Variants in ACOXL observed in about 807,000 individuals in gnomAD.
ACOXL encodes the protein acyl-CoA oxidase like, also known as acyl-coenzyme A oxidase-like protein.
A neutral mutation model predicts 71.9 loss-of-function variants in ACOXL; 70 were observed. The observed-to-expected ratio is 0.97, with a 90% confidence interval of 0.80 to 1.19. ACOXL has a LOEUF of 1.19. ACOXL is among the 50% of genes most tolerant of loss of function. The pLI is 0.00. For missense variants in ACOXL, 703 were observed against 736.3 expected (o/e 0.95, Z 0.52); for synonymous variants, 253 against 281.6 (o/e 0.90, Z 1.02).
chr2:110,954,062 G>A (rs189890681), intron 12 of ACOXL, among the ~76,000 whole-genome samples: 35 of 152,300 alleles, frequency 2.3e-4, no homozygotes, highest in Admixed American at 2.2e-3. Context: ...ATTATTAGAT[G>A]TTTGTAAGTT....
chr2:111,055,594 CAG>C (rs1380654726), intron 16 of ACOXL, among the ~76,000 whole-genome samples: 1 of 152,240 alleles, frequency 6.6e-6, no homozygotes, highest in African/African-American at 2.4e-5. Flanking sequence ...TGGAGGCACT[CAG>C]GGGCTGCCCG....
chr2:110,990,923 A>T (rs1329802386), intron 13 of ACOXL, among the ~76,000 whole-genome samples: 2 of 152,014 alleles, frequency 1.3e-5, no homozygotes, highest in Non-Finnish European at 2.9e-5. Context: ...GGGGGAGGAG[A>T]TTGTATATTT....
chr2:110,764,998 G>C (rs1003220862), intron 1 of ACOXL, among the ~76,000 whole-genome samples: 4 of 152,138 alleles, frequency 2.6e-5, no homozygotes, highest in Admixed American at 2.0e-4. Context: ...TTTTTGGCCT[G>C]ATAAGATTTT....
At position 110,844,530 on chromosome 2, in the gene ACOXL, CT is replaced by C. The variant is rs368774128; in HGVS notation, c.788+3134del. On this transcript the variant is annotated intron_variant, in intron 10 of 17. Transcript: ENST00000439055. ...GCCTGCAGGTCACCCTTTGACTCTT[CT>C]TTTTTTTTCTTTTCTTTTCTTTTTT... Among the ~76,000 whole-genome samples the C allele has an allele frequency of 9.4e-4, 139 of 147,328 alleles. 1 individual carries two copies. The East Asian group carries it at 0.02, about 22-fold the overall frequency.
intron 10 of ACOXL, among the ~76,000 whole-genome samples, chr2:110,907,419 C>T (rs73956478): frequency 1.0e-3 from 159 of 152,286 alleles, no homozygotes; most frequent in African/African-American, 3.7e-3. Context: ...ATCATGATGA[C>T]ACCACTACTG....
intron 12 of ACOXL, among the ~76,000 whole-genome samples, chr2:110,981,157 G>C (rs2062691698): frequency 6.6e-6 from 1 of 152,200 alleles, no homozygotes; most frequent in Non-Finnish European, 1.5e-5. Flanking sequence ...GAGGTCAGGA[G>C]TTCGAGACCA....
intron 14 of ACOXL, among the ~76,000 whole-genome samples, chr2:111,025,364 G>A (rs780202607): frequency 6.6e-6 from 1 of 152,170 alleles, no homozygotes; most frequent in African/African-American, 2.4e-5. Context: ...GAATGGCTGG[G>A]TTCTTCTATA....
intron 1 of ACOXL, among the ~76,000 whole-genome samples, chr2:110,739,800 C>T (rs1677291824): frequency 6.6e-6 from 1 of 152,218 alleles, no homozygotes. Flanking sequence ...ACTTAGCATC[C>T]TCTGTTCTGC....
At chr2:111,083,344 A>C (rs754567505) in intron 16 of ACOXL, among the ~76,000 whole-genome samples, 27 of 152,156 alleles carry the variant, frequency 1.8e-4, no homozygotes, top group Non-Finnish European at 2.5e-4. Flanking sequence ...ATAAGCTGTT[A>C]TATTCATAGT....
At chr2:110,816,522 G>A (rs1311506127) in intron 9 of ACOXL, among the ~76,000 whole-genome samples, 4 of 152,240 alleles carry the variant, frequency 2.6e-5, no homozygotes, top group Non-Finnish European at 2.9e-5. Context: ...TGAGGCAGGT[G>A]TGTATCTGGG....
intron 15 of ACOXL, among the ~76,000 whole-genome samples, chr2:111,045,968 G>T (rs1288457440): frequency 1.3e-5 from 2 of 152,160 alleles, no homozygotes; most frequent in African/African-American, 4.8e-5. Flanking sequence ...TGGACATCAT[G>T]GGGACAGGAC....
At chr2:110,923,470 A>C (rs2060155839) in intron 11 of ACOXL, among the ~76,000 whole-genome samples, 1 of 152,102 alleles carries the variant, frequency 6.6e-6, no homozygotes, top group South Asian at 2.1e-4. Context: ...AATACATTTG[A>C]TCCTACTCAA....
intron 10 of ACOXL, among the ~76,000 whole-genome samples, chr2:110,858,175 G>A (rs1693493428): frequency 6.6e-6 from 1 of 152,156 alleles, no homozygotes; most frequent in Non-Finnish European, 1.5e-5. Context: ...ACTGGTATTA[G>A]CTACTTTTTG....
intron 12 of ACOXL, among the ~76,000 whole-genome samples, chr2:110,948,631 G>C (rs2061204270): frequency 1.3e-5 from 2 of 148,668 alleles, no homozygotes; most frequent in African/African-American, 5.0e-5. Context: ...TGTAGAGGAA[G>C]GGCAGAGGGA....
At chr2:110,852,469 C>T (rs578113614) in intron 10 of ACOXL, among the ~76,000 whole-genome samples, 3 of 152,198 alleles carry the variant, frequency 2.0e-5, no homozygotes, top group African/African-American at 4.8e-5. Flanking sequence ...ATTGGCAAGA[C>T]GTAATCCAGG....
At chr2:110,761,372 A>G (rs143464075) in intron 1 of ACOXL, among the ~76,000 whole-genome samples, 104 of 152,258 alleles carry the variant, frequency 6.8e-4, no homozygotes, top group Non-Finnish European at 9.0e-4. Flanking sequence ...TCAACTCCCA[A>G]TTGAACATTT....
At chr2:110,755,261 C>T (rs1453589758) in intron 1 of ACOXL, among the ~76,000 whole-genome samples, 1 of 152,152 alleles carries the variant, frequency 6.6e-6, no homozygotes, top group Admixed American at 6.5e-5. Context: ...GCCATAAACC[C>T]AGGGCCGCTG....
chr2:111,097,029 A>C (rs1370994108), intron 17 of ACOXL, among the ~76,000 whole-genome samples: 1 of 152,178 alleles, frequency 6.6e-6, no homozygotes, highest in Non-Finnish European at 1.5e-5. Context: ...CTGCCTGACC[A>C]CCATCAAGCT....
intron 10 of ACOXL, among the ~76,000 whole-genome samples, chr2:110,878,413 G>A (rs1172862786): frequency 2.6e-5 from 4 of 152,206 alleles, no homozygotes; most frequent in Non-Finnish European, 5.9e-5. Flanking sequence ...GAGGAGTTAG[G>A]AAACGTGTAG....
Sources: allele counts gnomAD v4.1 joint callset (sites outside exome capture counted in the v4.1 genomes callset), GRCh38; gene constraint gnomAD v4.1.1; transcripts MANE v1.5; gene names NCBI Gene and HGNC (gene_info 2026-07-23, HGNC 2026-07-21).